The following RANBP2 variants were observed in gnomAD, a reference collection of about 807,000 sequenced individuals.
RANBP2 encodes RAN binding protein 2, also known as E3 SUMO-protein ligase RanBP2.
A neutral mutation model predicts 303.6 loss-of-function variants in RANBP2; 57 were observed. The ratio of observed to expected loss-of-function variants is 0.19; its 90% CI spans 0.15 to 0.23. RANBP2 has a LOEUF of 0.23. Among genes scored for constraint, RANBP2 ranks in the 10% least tolerant of loss-of-function variants. RANBP2 has a pLI of 1.00. For missense variants in RANBP2, 3,138 were observed against 3,780.8 expected (o/e 0.83, Z 4.46); for synonymous variants, 1,167 against 1,301.5 (o/e 0.90, Z 2.23).
At chr2:108,821,264 A>G in the RANBP2 span, among the ~76,000 whole-genome samples, 454 of 152,220 alleles carry the variant, frequency 3.0e-3, 2 homozygotes, top group Non-Finnish European at 5.5e-3. Flanking sequence ...AGGCCGAGGC[A>G]GGAGAATTTC....
the RANBP2 span, among the ~76,000 whole-genome samples, chr2:109,659,965 G>T: frequency 6.6e-6 from 1 of 152,204 alleles, no homozygotes; most frequent in Non-Finnish European, 1.5e-5. Flanking sequence ...TGAGCAGCAG[G>T]TGCTGAGCTG....
chr2:109,292,660 G>A, the RANBP2 span, among the ~76,000 whole-genome samples: 11 of 152,280 alleles, frequency 7.2e-5, no homozygotes, highest in East Asian at 7.7e-4. Context: ...CTAGAAAAGC[G>A]TCTTTTTGGG....
At chr2:108,823,152 A>C in the RANBP2 span, among the ~76,000 whole-genome samples, 1 of 152,160 alleles carries the variant, frequency 6.6e-6, no homozygotes, top group Non-Finnish European at 1.5e-5. Context: ...TTACAAAAAA[A>C]CCCAAACCTC....
chr2:109,773,342 A>AG, the RANBP2 span, among the ~76,000 whole-genome samples: 1 of 141,546 alleles, frequency 7.1e-6, no homozygotes, highest in African/African-American at 2.8e-5. Flanking sequence ...AATGGATGGG[A>AG]GGTGGGAGGG....
chr2:109,488,049 G>C, the RANBP2 span, among the ~76,000 whole-genome samples: 1 of 152,202 alleles, frequency 6.6e-6, no homozygotes. Flanking sequence ...ACAACGCAAG[G>C]CCACCCAGGT....
the RANBP2 span, among the ~76,000 whole-genome samples, chr2:108,995,082 G>A: frequency 3.3e-5 from 5 of 151,900 alleles, no homozygotes; most frequent in East Asian, 3.9e-4. Context: ...CACCCGCCTC[G>A]GTCTCCCAAA....
At chr2:109,510,546 G>C in the RANBP2 span, among the ~76,000 whole-genome samples, 6 of 152,212 alleles carry the variant, frequency 3.9e-5, no homozygotes, top group Non-Finnish European at 8.8e-5. Context: ...CTACCAGACT[G>C]AAGGAACCCC....
chr2:109,154,218 G>A, the RANBP2 span, among the ~76,000 whole-genome samples: 1 of 152,174 alleles, frequency 6.6e-6, no homozygotes, highest in African/African-American at 2.4e-5. Flanking sequence ...GCATCCATGT[G>A]GTGCTTTCTG....
the RANBP2 span, among the ~76,000 whole-genome samples, chr2:109,055,465 G>T: frequency 2.7e-5 from 4 of 150,408 alleles, no homozygotes; most frequent in South Asian, 2.1e-4. Context: ...GAATTCAAGC[G>T]ATTCTTCTGC....
At chr2:109,794,703 G>T in the RANBP2 span, 1 of 726,304 alleles carries the variant, frequency 1.4e-6, no homozygotes, top group Non-Finnish European at 1.6e-6. Flanking sequence ...GCGCCGGCCG[G>T]CTGGCGCAGT....
At chr2:109,080,562 A>G in the RANBP2 span, among the ~76,000 whole-genome samples, 1 of 152,286 alleles carries the variant, frequency 6.6e-6, no homozygotes, top group African/African-American at 2.4e-5. Flanking sequence ...CCAGGATTGG[A>G]CAGGACATCT....
At chr2:109,253,483 A>T in the RANBP2 span, among the ~76,000 whole-genome samples, 4 of 152,166 alleles carry the variant, frequency 2.6e-5, no homozygotes, top group African/African-American at 9.7e-5. Flanking sequence ...CCCAGCTCTC[A>T]TGTTTCCCAG....
chr2:108,934,536 C>T, the RANBP2 span, among the ~76,000 whole-genome samples: 1 of 152,188 alleles, frequency 6.6e-6, no homozygotes, highest in Non-Finnish European at 1.5e-5. Context: ...GCTGCTAGAA[C>T]AGAATACCAC....
chr2:109,674,078 T>C, the RANBP2 span, among the ~76,000 whole-genome samples: 2 of 152,176 alleles, frequency 1.3e-5, no homozygotes, highest in African/African-American at 2.4e-5. Context: ...CTTTTTCTCA[T>C]TGGTTTGTTA....
chr2:108,853,891 G>A, the RANBP2 span, among the ~76,000 whole-genome samples: 74 of 108,700 alleles, frequency 6.8e-4, 1 homozygote, highest in African/African-American at 2.4e-3. Context: ...ATATTATATA[G>A]TATATATATT....
the RANBP2 span, chr2:109,666,993 T>C: frequency 4.6e-6 from 2 of 430,752 alleles, no homozygotes; most frequent in Non-Finnish European, 8.4e-6. Flanking sequence ...GATGACTGAG[T>C]CCTGATTTCT....
chr2:108,856,774 T>G, the RANBP2 span: 12 of 1,602,062 alleles, frequency 7.5e-6, no homozygotes, highest in East Asian at 2.3e-5. Flanking sequence ...TGCAGTTGAT[T>G]GTACATAACT....
At chr2:109,693,225 T>G in the RANBP2 span, among the ~76,000 whole-genome samples, 1 of 152,152 alleles carries the variant, frequency 6.6e-6, no homozygotes, top group East Asian at 1.9e-4. Context: ...TCGCCCAGGC[T>G]GGAGTGCAGT....
the RANBP2 span, among the ~76,000 whole-genome samples, chr2:109,336,526 C>T: frequency 6.6e-6 from 1 of 152,222 alleles, no homozygotes; most frequent in African/African-American, 2.4e-5. Context: ...CCCGTGTACC[C>T]CGCAGGCTGC....
Sources: allele counts gnomAD v4.1 joint callset (sites outside exome capture counted in the v4.1 genomes callset), GRCh38; gene constraint gnomAD v4.1.1; transcripts MANE v1.5; gene names NCBI Gene and HGNC (gene_info 2026-07-23, HGNC 2026-07-21).